The following DLEC1 variants were observed in gnomAD, a reference collection of about 807,000 sequenced individuals.
DLEC1 encodes the protein deleted in lung and esophageal cancer protein 1.
DLEC1 carries 146 observed loss-of-function variants against 198.1 expected under a neutral mutation model. The ratio of observed to expected loss-of-function variants is 0.74; its 90% CI spans 0.64 to 0.85. The LOEUF (loss-of-function observed/expected upper bound fraction) is 0.85. DLEC1 is among the 40% of genes least tolerant of loss of function. The probability of loss-of-function intolerance (pLI) is 0.00; values close to 1 mark genes in which losing one functional copy is unlikely to be tolerated. For synonymous variants in DLEC1, 897 were observed against 866.8 expected, an observed-to-expected ratio of 1.03 and a Z score of -0.61; for missense variants, 2,233 against 2,220.0, an observed-to-expected ratio of 1.01 and a Z score of -0.12.
chr3:38,064,127 T>A (rs920149378), intron 6 of DLEC1, among the ~76,000 whole-genome samples: 2 of 150,932 alleles, frequency 1.3e-5, no homozygotes, highest in Admixed American at 1.3e-4. Context: ...TGAACAAAGG[T>A]CTCTGGTTTT....
At position 38,045,713 on chromosome 3, in the gene DLEC1, A is replaced by C; in HGVS notation, c.562+20A>C. 6.3e-7 allele frequency: 1 copy of C among 1,593,226 alleles called. No individual in the cohort carries two copies. The highest frequency in any genetic ancestry group is 1.4e-5 in the African/African-American group (1 of 73,998). The stretch of plus-strand genomic sequence containing the variant: ...CTCCAGGTGTGTATAAAGAACTCCC[A>C]CATGCCTGCCCAATTCCCGGGCTGT... On this transcript the variant is annotated intron_variant, in intron 2 of 36. Transcript: ENST00000308059.
rs866563545 is a variant in DLEC1 at position 38,112,967 on chromosome 3, T to C, written c.3666+606T>C. ...AGATTTTCATGAACTATTTAGTAAA[T>C]TGAACAGATTAATTATAGTAGATAT... On this transcript the variant is annotated intron_variant, in intron 25 of 36. Transcript: ENST00000308059. This position sits in a 1 kb window ranked among gnomAD's most constrained non-coding sequence, Gnocchi z 4.8. 3.3e-5 allele frequency among the ~76,000 whole-genome samples: 5 copies of C among 152,202 alleles called. No homozygotes were observed. The highest frequency in any genetic ancestry group is 1.2e-4 in the African/African-American group (5 of 41,434).
In DLEC1 at chr3:38,118,014, A is replaced by G; in HGVS notation, c.4694A>G (p.Glu1565Gly). 6.2e-7 allele frequency: 1 copy of G among 1,602,294 alleles called. No homozygotes were observed. The highest frequency in any genetic ancestry group is 8.5e-7 in the Non-Finnish European group (1 of 1,174,456). The change falls in exon 33 of 37, where the codon GAG becomes GGG. Residue 1565 changes from glutamate to glycine, a missense_variant. By Grantham distance (98) the Glu-to-Gly change is moderately conservative (BLOSUM62 -2). Transcript: ENST00000308059. ...ADKQLVLQAQ[E>G]NMLVNVSFSL... is the part of the protein sequence containing the mutation. Reference sequence around the variant, plus strand: ...AAGCAGCTGGTGCTCCAAGCACAGGAGAACATGCTGGTCAGTGGGGGAGTC... The same window carrying G: ...AAGCAGCTGGTGCTCCAAGCACAGGGGAACATGCTGGTCAGTGGGGGAGTC...
intron 6 of DLEC1, among the ~76,000 whole-genome samples, chr3:38,065,949 G>C (rs780285455): frequency 1.3e-5 from 2 of 152,144 alleles, no homozygotes; most frequent in African/African-American, 4.8e-5. Flanking sequence ...GGCTAATTGC[G>C]TTATTGTGGT....
chr3:38,066,326 T>C (rs1012611035), intron 6 of DLEC1, among the ~76,000 whole-genome samples: 1 of 152,262 alleles, frequency 6.6e-6, no homozygotes, highest in African/African-American at 2.4e-5. Flanking sequence ...ATTTATTAGC[T>C]TGATTTTCCA....
chr3:38,045,188 C>T (rs1378156044), intron 1 of DLEC1, among the ~76,000 whole-genome samples: 10 of 152,204 alleles, frequency 6.6e-5, no homozygotes. Flanking sequence ...TGACGACGTT[C>T]CCTGTAGCTA....
chr3:38,078,556 G>C (rs929522725), intron 6 of DLEC1, among the ~76,000 whole-genome samples: 4 of 152,128 alleles, frequency 2.6e-5, no homozygotes, highest in African/African-American at 9.7e-5. Flanking sequence ...GAGCACGTGT[G>C]TTTTTATGAG....
chr3:38,063,772 T>C, intron 5 of DLEC1, 69 bp from the exon 6 acceptor site: 1 of 1,124,016 alleles, frequency 8.9e-7, no homozygotes, highest in Non-Finnish European at 1.3e-6. Context: ...CATTAATCAG[T>C]CACTGCCTAC....
chr3:38,085,015 C>T (rs1314652557), intron 7 of DLEC1, among the ~76,000 whole-genome samples: 1 of 152,218 alleles, frequency 6.6e-6, no homozygotes, highest in Non-Finnish European at 1.5e-5. Context: ...AATTCTAAGC[C>T]ATAGGGCCAG....
Position 38,062,259 on chromosome 3 carries a change from C to A in DLEC1, c.764C>A (p.Ser255Ter), listed in dbSNP as rs1409936182. ...GAGCTGAACAAGAAGCTTGAAGATTCATGCAGGAAGAAGCTTGCTGAGTTC... is the reference window on the plus strand; with the variant it reads ...GAGCTGAACAAGAAGCTTGAAGATTAATGCAGGAAGAAGCTTGCTGAGTTC... Reference protein sequence around the residue: ...KKELNKKLEDSCRKKLAEFED... With the variant: ...KKELNKKLED Residue 255 changes from serine to a stop codon, truncating the protein, a stop_gained, in exon 4 of 37, where the codon TCA becomes TAA. Coordinates refer to ENST00000308059, the MANE Select transcript of DLEC1 (RefSeq NM_007335.4). LOFTEE classifies it high-confidence loss of function. The A allele has an allele frequency of 6.2e-7, 1 of 1,614,208 alleles. No individual in the cohort carries two copies. Among genetic ancestry groups the A allele is most frequent in the East Asian group, 2.2e-5 (1 of 44,886 alleles).
At chr3:38,040,900 T>G (rs1019418057) in intron 1 of DLEC1, among the ~76,000 whole-genome samples, 3 of 151,832 alleles carry the variant, frequency 2.0e-5, no homozygotes, top group Non-Finnish European at 2.9e-5. Context: ...AGTGCAGTGA[T>G]GTGATCACAG....
chr3:38,106,820 A>C (rs887886012), intron 19 of DLEC1, among the ~76,000 whole-genome samples: 1 of 151,666 alleles, frequency 6.6e-6, no homozygotes, highest in African/African-American at 2.4e-5. Flanking sequence ...TAGATTATCT[A>C]GGATAATCTC....
intron 19 of DLEC1, among the ~76,000 whole-genome samples, chr3:38,101,272 T>C (rs1413181358): frequency 1.3e-5 from 2 of 152,172 alleles, no homozygotes; most frequent in Admixed American, 6.5e-5. Flanking sequence ...CCTGGCAACA[T>C]GGTGAAACCC....
At chr3:38,117,458 G>T in intron 31 of DLEC1, 69 bp from the exon 32 acceptor site, 1 of 1,608,498 alleles carries the variant, frequency 6.2e-7, no homozygotes, top group South Asian at 1.1e-5. Flanking sequence ...GAGGCTGGAT[G>T]AGCAGAGTGG....
At chr3:38,099,945 C>CT (rs1699219023) in intron 18 of DLEC1, among the ~76,000 whole-genome samples, 1 of 152,198 alleles carries the variant, frequency 6.6e-6, no homozygotes, top group African/African-American at 2.4e-5. Context: ...GCTCAGAGGG[C>CT]TACCCCCCTA....
At chr3:38,052,842 C>T (rs546247687) in intron 2 of DLEC1, among the ~76,000 whole-genome samples, 4 of 152,160 alleles carry the variant, frequency 2.6e-5, no homozygotes, top group Admixed American at 1.3e-4. Context: ...TTGTGAAAGC[C>T]GAGGCTGGAC....
rs145119360 is a variant in DLEC1, at chr3:38,078,159, T to C, written c.1174-5999T>C. ...ATCAGGAATAATGTGAGAGGCCAGA[T>C]TGAGGTCCGGGCCAGGAACAATGGT... On this transcript the variant is annotated intron_variant, in intron 6 of 36. Coordinates refer to ENST00000308059, the MANE Select transcript of DLEC1 (RefSeq NM_007335.4). Among the ~76,000 whole-genome samples the C allele has an allele frequency of 2.7e-3, 410 of 152,140 alleles. 1 individual carries two copies. Among genetic ancestry groups the C allele is most frequent in the African/African-American group, 9.5e-3 (392 of 41,480 alleles).
intron 8 of DLEC1, 141 bp from the exon 9 acceptor site, chr3:38,086,100 C>T: frequency 8.3e-7 from 1 of 1,205,220 alleles, no homozygotes; most frequent in Non-Finnish European, 1.1e-6. Flanking sequence ...CAGGACATGT[C>T]CCCACTCATC....
In DLEC1 at chr3:38,114,444, A is replaced by G. The variant is rs370048382; in HGVS notation, c.3769A>G (p.Lys1257Glu). The G allele has an allele frequency of 2.3e-5, 37 of 1,614,080 alleles. No homozygotes were observed. Among genetic ancestry groups the G allele is most frequent in the Non-Finnish European group, 3.1e-5 (36 of 1,180,028 alleles). ...TTSYTIDQAQ[K>E]EPAMRFGTQV... The stretch of plus-strand genomic sequence containing the variant: ...CTCCTACACTATTGACCAGGCCCAG[A>G]AGGAACCAGCCATGAGGTGCTCCAT... Residue 1257 changes from lysine (K) to glutamate (E), a missense_variant, in exon 26 of 37, where the codon AAG becomes GAG. Coordinates refer to ENST00000308059, the MANE Select transcript of DLEC1 (RefSeq NM_007335.4).
Sources: allele counts gnomAD v4.1 joint callset (sites outside exome capture counted in the v4.1 genomes callset), GRCh38; gene constraint gnomAD v4.1.1; non-coding constraint Gnocchi (gnomAD v3.1); transcripts MANE v1.5; gene names NCBI Gene and HGNC (gene_info 2026-07-23, HGNC 2026-07-21).